WASHC5: variants seen among roughly 807,000 people sequenced by gnomAD.
WASHC5 encodes the protein WASH complex subunit strumpellin.
A neutral mutation model predicts 150.4 loss-of-function variants in WASHC5; 101 were observed. That is an observed-to-expected ratio of 0.67 (90% CI 0.57 to 0.79). WASHC5 has a LOEUF of 0.79. WASHC5 is among the 30% of genes least tolerant of loss of function. WASHC5 has a pLI of 0.00. For synonymous variants in WASHC5, 467 were observed against 491.2 expected, an observed-to-expected ratio of 0.95 and a Z score of 0.65; for missense variants, 1,195 against 1,396.3, an observed-to-expected ratio of 0.86 and a Z score of 2.30.
intron 27 of WASHC5, 152 bp downstream of exon 27, chr8:125,032,089 A>G: frequency 1.1e-6 from 1 of 882,504 alleles, no homozygotes; most frequent in Admixed American, 1.7e-5. Flanking sequence ...TAATTGCTCT[A>G]AACAAGGAGG....
rs554666051 is a variant in WASHC5 at position 125,062,571 on chromosome 8, T to C, written c.1408+951A>G. Among the ~76,000 whole-genome samples the C allele has an allele frequency of 8.1e-4, 124 of 152,326 alleles. 1 individual carries two copies. The highest frequency in any genetic ancestry group is 2.8e-3 in the African/African-American group (115 of 41,568). ...CAATATGGTGACCTGCAAAACATGT[T>C]TCTAGTTTATATCACATCGTTATAC... On this transcript the variant is annotated intron_variant, in intron 11 of 28. Transcript: ENST00000318410.
chr8:125,045,601 T>C (rs1222367077), intron 20 of WASHC5, among the ~76,000 whole-genome samples: 1 of 152,206 alleles, frequency 6.6e-6, no homozygotes. Flanking sequence ...CATATCCTAT[T>C]GTCCAAAGCC....
intron 27 of WASHC5, among the ~76,000 whole-genome samples, chr8:125,030,881 G>A: frequency 6.6e-6 from 1 of 152,148 alleles, no homozygotes; most frequent in East Asian, 1.9e-4. Flanking sequence ...GGGAACAGGT[G>A]GAAGGGGCTT....
chr8:125,046,332 G>A (rs551898011), intron 20 of WASHC5, among the ~76,000 whole-genome samples: 1 of 152,332 alleles, frequency 6.6e-6, no homozygotes. Context: ...GGACTTACTA[G>A]AGGCAGCATG....
At chr8:125,072,869 A>G (rs1280401487) in intron 9 of WASHC5, among the ~76,000 whole-genome samples, 2 of 152,040 alleles carry the variant, frequency 1.3e-5, no homozygotes, top group Non-Finnish European at 1.5e-5. Context: ...ATTTTTTCAT[A>G]TGTCTACATT....
intron 17 of WASHC5, among the ~76,000 whole-genome samples, 187 bp downstream of exon 17, chr8:125,055,404 C>CAGAG (rs3860840): frequency 6.6e-6 from 1 of 151,604 alleles, no homozygotes; most frequent in African/African-American, 2.4e-5. Context: ...GCCTGGGCAA[C>CAGAG]AGAGAGAGAG....
At chr8:125,059,097 C>T (rs973724115) in intron 14 of WASHC5, 125 bp downstream of exon 14, 2 of 738,092 alleles carry the variant, frequency 2.7e-6, no homozygotes, top group Non-Finnish European at 4.8e-6. Flanking sequence ...CAATTTCAGT[C>T]TATAAAAATA....
chr8:125,067,492 G>T, intron 10 of WASHC5, 100 bp downstream of exon 10: 2 of 1,013,874 alleles, frequency 2.0e-6, no homozygotes, highest in Non-Finnish European at 1.5e-6. Flanking sequence ...TCTGTACCTT[G>T]AATCAGAGAC....
intron 26 of WASHC5, 167 bp from the exon 27 acceptor site, chr8:125,032,561 T>C (rs983878722): frequency 3.9e-6 from 3 of 771,894 alleles, no homozygotes; most frequent in Admixed American, 4.0e-5. Context: ...AGCCACAGGA[T>C]TGGTAGGGCA....
chr8:125,058,336 T>C (rs781112524), intron 14 of WASHC5, among the ~76,000 whole-genome samples: 10 of 151,596 alleles, frequency 6.6e-5, no homozygotes, highest in Non-Finnish European at 1.0e-4. Context: ...CGCTTGAGCC[T>C]GGGAGTTTGA....
In WASHC5 at chr8:125,067,867, C is replaced by T. The variant is rs1010800967; in HGVS notation, c.1151-148G>A. On this transcript the variant is annotated intron_variant, in intron 9 of 28. Coordinates refer to ENST00000318410, the MANE Select transcript of WASHC5 (RefSeq NM_014846.4). ...CAATAAAAGATGGTGAAATATAGTACATCTATGCCATGGAGTACAATTAAA... is the reference window on the plus strand; with the variant it reads ...CAATAAAAGATGGTGAAATATAGTATATCTATGCCATGGAGTACAATTAAA... The T allele has an allele frequency of 2.0e-5, 16 of 788,098 alleles. No individual in the cohort carries two copies. In the East Asian group the frequency reaches 3.0e-4, roughly 15 times the overall value. 48.8% of individuals were successfully genotyped at this position (788,098 alleles called of 1,614,324 possible). A position where few individuals can be genotyped will look rare whatever the true frequency, so the allele number is the denominator to read the frequency against.
intron 8 of WASHC5, among the ~76,000 whole-genome samples, chr8:125,074,024 A>T (rs1816978299): frequency 6.6e-6 from 1 of 152,246 alleles, no homozygotes; most frequent in Non-Finnish European, 1.5e-5. Flanking sequence ...TTAGCAAAAA[A>T]TACACCTTAG....
chr8:125,053,373 CTG>C (rs1321380281), intron 17 of WASHC5, among the ~76,000 whole-genome samples: 1 of 152,070 alleles, frequency 6.6e-6, no homozygotes, highest in Non-Finnish European at 1.5e-5. Flanking sequence ...ATCTGAAACA[CTG>C]TGGGAAAAGA....
chr8:125,032,173 G>C (rs1268752237), intron 27 of WASHC5, 68 bp downstream of exon 27: 1 of 1,538,948 alleles, frequency 6.5e-7, no homozygotes, highest in Non-Finnish European at 9.0e-7. Flanking sequence ...AGAGGAATTT[G>C]GTAATGTGAG....
Position 125,057,539 on chromosome 8 carries a change from C to T in WASHC5, c.1875+17G>A. The T allele has an allele frequency of 6.8e-7, 1 of 1,480,962 alleles. No individual in the cohort carries two copies. The highest frequency in any genetic ancestry group is 9.4e-7 in the Non-Finnish European group (1 of 1,060,918). 91.7% of individuals were successfully genotyped at this position (1,480,962 alleles called of 1,614,324 possible). ...GTTATCTGGCAAGAGTAAATATCAC[C>T]CTGATGCATTTCTTACTTTTCTCAC... On this transcript the variant is annotated intron_variant, in intron 15 of 28. Coordinates refer to ENST00000318410, the MANE Select transcript of WASHC5 (RefSeq NM_014846.4).
chr8:125,062,104 C>T (rs1816610649), intron 11 of WASHC5, among the ~76,000 whole-genome samples: 1 of 152,034 alleles, frequency 6.6e-6, no homozygotes, highest in Non-Finnish European at 1.5e-5. Context: ...ATTGGCATGA[C>T]AAACACTCAT....
chr8:125,080,807 G>C (rs1245853081), intron 5 of WASHC5, among the ~76,000 whole-genome samples: 2 of 152,150 alleles, frequency 1.3e-5, no homozygotes, highest in Non-Finnish European at 2.9e-5. Context: ...CACAACAAAT[G>C]ATTTGTGGAT....
intron 10 of WASHC5, among the ~76,000 whole-genome samples, chr8:125,064,878 A>G (rs559990747): frequency 6.6e-6 from 1 of 152,172 alleles, no homozygotes; most frequent in Non-Finnish European, 1.5e-5. Context: ...AATCTTAGTG[A>G]TCTGGCAGAA....
chr8:125,077,356 A>C (rs1246741825), intron 6 of WASHC5, among the ~76,000 whole-genome samples: 1 of 152,220 alleles, frequency 6.6e-6, no homozygotes, highest in African/African-American at 2.4e-5. Flanking sequence ...ACATGGCAGA[A>C]TGAGGCTGCC....
Sources: allele counts gnomAD v4.1 joint callset (sites outside exome capture counted in the v4.1 genomes callset), GRCh38; gene constraint gnomAD v4.1.1; transcripts MANE v1.5; gene names NCBI Gene and HGNC (gene_info 2026-07-23, HGNC 2026-07-21).